The following GOLGA8B variants were observed in gnomAD, a reference collection of about 807,000 sequenced individuals.
The protein encoded by GOLGA8B is golgin A8 family member B, also known as golgin subfamily A member 8B.
A neutral mutation model predicts 15.6 loss-of-function variants in GOLGA8B; 1 was observed. The observed-to-expected ratio is 0.06, with a 90% CI of 0.02 to 0.30. The LOEUF is 0.30. Among genes scored for constraint, GOLGA8B ranks in the 10% least tolerant of loss-of-function variants. The pLI, the probability that GOLGA8B is intolerant of heterozygous loss-of-function variation, is 1.00. For missense variants in GOLGA8B, 17 were observed against 201.3 expected (o/e 0.08, Z 5.54); for synonymous variants, 9 against 80.3 (o/e 0.11, Z 4.75).
At chr15:34,575,926 T>C (rs201986891) in intron 1 of GOLGA8B, among the ~76,000 whole-genome samples, 5,115 of 138,832 alleles carry the variant, frequency 0.037, no homozygotes, top group South Asian at 0.12. Context: ...ACTGAGTGCA[T>C]GGGTGGATAG....
At chr15:34,542,392 AC>A (rs1888220316) in intron 7 of GOLGA8B, among the ~76,000 whole-genome samples, 1 of 122,656 alleles carries the variant, frequency 8.2e-6, no homozygotes, top group African/African-American at 3.5e-5. Flanking sequence ...TGAGAAGAAT[AC>A]AGAATATCTG....
chr15:34,576,909 C>G (rs7173628), intron 1 of GOLGA8B, among the ~76,000 whole-genome samples: 55,762 of 151,318 alleles, frequency 0.37, 10,646 homozygotes, highest in Admixed American at 0.46. Flanking sequence ...CACTGACTGA[C>G]TGCTTTCCTG....
chr15:34,581,976 T>G (rs1889248926), intron 1 of GOLGA8B, among the ~76,000 whole-genome samples: 1 of 152,070 alleles, frequency 6.6e-6, no homozygotes, highest in Non-Finnish European at 1.5e-5. Flanking sequence ...CAGCTTTATC[T>G]GCTCACGCCC....
chr15:34,548,074 G>GTA (rs1343136205), intron 4 of GOLGA8B, among the ~76,000 whole-genome samples: 4 of 152,012 alleles, frequency 2.6e-5, no homozygotes, highest in African/African-American at 9.7e-5. Context: ...TTCTTGTGGA[G>GTA]TATATATCCA....
intron 1 of GOLGA8B, among the ~76,000 whole-genome samples, chr15:34,578,044 A>G (rs1395090745): frequency 2.0e-5 from 3 of 152,220 alleles, no homozygotes; most frequent in Non-Finnish European, 4.4e-5. Flanking sequence ...ATGTCATGTG[A>G]TGCATGACAG....
intron 1 of GOLGA8B, among the ~76,000 whole-genome samples, chr15:34,571,907 G>A (rs934848175): frequency 2.4e-4 from 36 of 152,022 alleles, no homozygotes; most frequent in Non-Finnish European, 1.5e-4. Flanking sequence ...GAAAATATCC[G>A]CAATATATAT....
chr15:34,525,451 G>T lies in GOLGA8B; in HGVS notation c.*2181C>A, dbSNP rs757829190. 6.7e-6 allele frequency: 1 copy of T among 149,800 alleles called. No individual in the cohort carries two copies. Among genetic ancestry groups the T allele is most frequent in the African/African-American group, 2.5e-5 (1 of 40,470 alleles). The allele number at this position is 149,800 out of a possible 1,614,324, so 9.3% of individuals were successfully genotyped here. A position where few individuals can be genotyped will look rare whatever the true frequency, so the allele number is the denominator to read the frequency against. On this transcript the variant is annotated 3_prime_UTR_variant, in exon 24 of 24. Transcript: ENST00000683415. The stretch of plus-strand genomic sequence containing the variant: ...ACTTGGCAAACAAAGCTTTGGACTG[G>T]AATTGGCATTTCTTTCTCTACTTTT...
intron 1 of GOLGA8B, among the ~76,000 whole-genome samples, chr15:34,577,836 T>C (rs1215021050): frequency 6.6e-6 from 1 of 152,198 alleles, no homozygotes; most frequent in Non-Finnish European, 1.5e-5. Context: ...GGACCTTCCA[T>C]GAATGGAAGT....
intron 1 of GOLGA8B, among the ~76,000 whole-genome samples, chr15:34,576,890 T>C (rs1889098207): frequency 6.6e-6 from 1 of 152,202 alleles, no homozygotes; most frequent in South Asian, 2.1e-4. Flanking sequence ...ATCCTAACCC[T>C]GGTGACTGCA....
intron 1 of GOLGA8B, among the ~76,000 whole-genome samples, chr15:34,554,556 A>T (rs1888442981): frequency 8.6e-6 from 1 of 115,738 alleles, no homozygotes. Context: ...CACACATCAC[A>T]CTCCACACAC....
At chr15:34,570,462 C>A (rs1378063891) in intron 1 of GOLGA8B, among the ~76,000 whole-genome samples, 1 of 120,740 alleles carries the variant, frequency 8.3e-6, no homozygotes, top group African/African-American at 2.9e-5. Flanking sequence ...AGCGGCTGCC[C>A]TGGGGACTGC....
At chr15:34,580,890 T>TA (rs1191613940) in intron 1 of GOLGA8B, among the ~76,000 whole-genome samples, 1 of 152,132 alleles carries the variant, frequency 6.6e-6, no homozygotes, top group African/African-American at 2.4e-5. Context: ...TACCTGTGTC[T>TA]CCATGTTCCT....
At chr15:34,580,394 C>T (rs754516640) in intron 1 of GOLGA8B, among the ~76,000 whole-genome samples, 4 of 152,312 alleles carry the variant, frequency 2.6e-5, no homozygotes, top group East Asian at 1.9e-4. Flanking sequence ...ACCATTGGGC[C>T]TGGGCCAACT....
chr15:34,567,672 A>C (rs1406224437), intron 1 of GOLGA8B, among the ~76,000 whole-genome samples: 1 of 151,984 alleles, frequency 6.6e-6, no homozygotes, highest in East Asian at 1.9e-4. Flanking sequence ...TTGAAAATCA[A>C]AGAGCCATTC....
At chr15:34,564,717 G>A (rs1888713384) in intron 1 of GOLGA8B, among the ~76,000 whole-genome samples, 1 of 143,988 alleles carries the variant, frequency 6.9e-6, no homozygotes, top group African/African-American at 2.5e-5. Flanking sequence ...TGTAGGGAGA[G>A]ATGAGAAGTT....
intron 1 of GOLGA8B, among the ~76,000 whole-genome samples, chr15:34,554,360 G>A (rs1194297414): frequency 2.6e-5 from 4 of 152,318 alleles, no homozygotes; most frequent in East Asian, 3.9e-4. Context: ...GTGTGCATAC[G>A]TACATGCACC....
intron 1 of GOLGA8B, among the ~76,000 whole-genome samples, chr15:34,579,047 C>T (rs1483783959): frequency 6.6e-6 from 1 of 152,098 alleles, no homozygotes; most frequent in Non-Finnish European, 1.5e-5. Context: ...TTCAATATCG[C>T]ATCTCGTCTG....
At chr15:34,576,679 C>T (rs1213685674) in intron 1 of GOLGA8B, among the ~76,000 whole-genome samples, 2 of 152,220 alleles carry the variant, frequency 1.3e-5, no homozygotes, top group Non-Finnish European at 2.9e-5. Flanking sequence ...AATCAACCAT[C>T]AATGTGACCC....
At chr15:34,576,606 G>A (rs894559846) in intron 1 of GOLGA8B, among the ~76,000 whole-genome samples, 1 of 152,152 alleles carries the variant, frequency 6.6e-6, no homozygotes, top group African/African-American at 2.4e-5. Context: ...CAAAAGAAAG[G>A]CACTTCTAGT....
Sources: allele counts gnomAD v4.1 joint callset (sites outside exome capture counted in the v4.1 genomes callset), GRCh38; gene constraint gnomAD v4.1.1; transcripts MANE v1.5; gene names NCBI Gene and HGNC (gene_info 2026-07-23, HGNC 2026-07-21).